The following DFFA variants were observed in gnomAD, a reference collection of about 807,000 sequenced individuals.
DFFA encodes DFF45.
In DFFA, 14 loss-of-function variants were observed where a neutral mutation model predicts 28.0. The observed-to-expected ratio is 0.50, with a 90% CI of 0.33 to 0.78. The LOEUF (loss-of-function observed/expected upper bound fraction) is 0.78. DFFA is among the 30% of genes least tolerant of loss of function. DFFA has a pLI of 0.02. For synonymous variants in DFFA, 158 were observed against 170.3 expected, an observed-to-expected ratio of 0.93 and a Z score of 0.56; for missense variants, 395 against 407.1, an observed-to-expected ratio of 0.97 and a Z score of 0.26.
rs1231010192 is a variant in DFFA, at chr1:10,472,279, C to T, written c.136+44G>A. 5.9e-6 allele frequency: 9 copies of T among 1,528,544 alleles called. No individual in the cohort carries two copies. The highest frequency in any genetic ancestry group is 1.9e-4 in the Middle Eastern group (1 of 5,344). The allele number at this position is 1,528,544 out of a possible 1,614,324, so 94.7% of individuals were successfully genotyped here. A position where few individuals can be genotyped will look rare whatever the true frequency, so the allele number is the denominator to read the frequency against. On this transcript the variant is annotated intron_variant, in intron 1 of 5. Coordinates refer to ENST00000377038, the MANE Select transcript of DFFA (RefSeq NM_004401.3). The surrounding 1 kb of genome is among the most constrained non-coding windows in gnomAD (Gnocchi z 5.0). Reference sequence around the variant, plus strand: ...CTCGCCCCCGCCGGACGTCCTCACCCGGCCCTGGCTCCCCCACACCCTCGC... The same window carrying T: ...CTCGCCCCCGCCGGACGTCCTCACCTGGCCCTGGCTCCCCCACACCCTCGC...
chr1:10,469,129 G>A, intron 2 of DFFA, 48 bp downstream of exon 2: 3 of 1,558,872 alleles, frequency 1.9e-6, no homozygotes, highest in South Asian at 1.2e-5. Flanking sequence ...TAATCATGAT[G>A]GATGCTGTAC....
intron 1 of DFFA, among the ~76,000 whole-genome samples, chr1:10,471,239 G>A (rs1394493521): frequency 2.0e-5 from 3 of 152,000 alleles, no homozygotes; most frequent in African/African-American, 7.2e-5. Context: ...ATTCCATTTA[G>A]TGATAGCAAT....
In DFFA at chr1:10,467,325, A is replaced by G. The variant is rs1355007385; in HGVS notation, c.306T>C (p.Gly102=). 1 of 1,614,088 alleles carries G rather than the reference A, an allele frequency of 6.2e-7. No individual in the cohort carries two copies. The highest frequency in any genetic ancestry group is 2.2e-5 in the East Asian group (1 of 44,886). Residue 102 remains glycine, a synonymous_variant, in exon 3 of 6, where the codon GGT becomes GGC. Coordinates refer to ENST00000377038, the MANE Select transcript of DFFA (RefSeq NM_004401.3). The part of the protein sequence containing the change: ...EKWAYNNSDG[G]TAWISQESFD... ...AGGACTCTTGGGAAATCCAAGCTGT[A>G]CCTCCATCTGACACATGGGAGAAAA...
chr1:10,463,734 G>A (rs1489454482), intron 3 of DFFA, 114 bp from the exon 4 acceptor site: 35 of 1,070,304 alleles, frequency 3.3e-5, no homozygotes, highest in Admixed American at 1.2e-4. Context: ...GTGTGATCTC[G>A]GCTCACTGCA....
rs34597195 is a variant in DFFA, at chr1:10,466,952, C to CAAAA, written c.441+234_441+237dup. 2.2e-3 allele frequency among the ~76,000 whole-genome samples: 73 copies of CAAAA among 32,732 alleles called. 3 individuals are homozygous for CAAAA. Among genetic ancestry groups the CAAAA allele is most frequent in the African/African-American group, 5.3e-3 (66 of 12,464 alleles). The allele number at this position is 32,732 out of a possible 152,430, so 21.5% of individuals were successfully genotyped here. ...TGGGCGACAGAGTAAGACTGTGTCT[C>CAAAA]AAAAAAAAAAAAAAAAAAAAAAAAA... is the stretch of plus-strand genomic sequence containing the variant. On this transcript the variant is annotated intron_variant, in intron 3 of 5. Coordinates refer to ENST00000377038, the MANE Select transcript of DFFA (RefSeq NM_004401.3).
intron 3 of DFFA, 46 bp downstream of exon 3, chr1:10,467,144 G>A (rs763280107): frequency 1.9e-6 from 3 of 1,608,506 alleles, no homozygotes; most frequent in Admixed American, 1.7e-5. Flanking sequence ...GGGGCGGGGG[G>A]CAGAGGCTGG....
intron 3 of DFFA, among the ~76,000 whole-genome samples, chr1:10,465,874 G>A (rs921304314): frequency 7.3e-5 from 11 of 151,582 alleles, no homozygotes; most frequent in Non-Finnish European, 7.4e-5. Flanking sequence ...GTAGAGATAG[G>A]GTTTTACCAC....
In DFFA at chr1:10,466,952, C is replaced by CAAAAAAAAAAA. The variant is rs34597195; in HGVS notation, c.441+227_441+237dup. The stretch of plus-strand genomic sequence containing the variant: ...TGGGCGACAGAGTAAGACTGTGTCT[C>CAAAAAAAAAAA]AAAAAAAAAAAAAAAAAAAAAAAAA... On this transcript the variant is annotated intron_variant, in intron 3 of 5. Transcript: ENST00000377038. Among the ~76,000 whole-genome samples, 89 of 32,732 alleles carry CAAAAAAAAAAA rather than the reference C, an allele frequency of 2.7e-3. 6 individuals carry two copies. The highest frequency in any genetic ancestry group is 6.7e-3 in the African/African-American group (83 of 12,462). 21.5% of individuals were successfully genotyped at this position (32,732 alleles called of 152,430 possible). A position where few individuals can be genotyped will look rare whatever the true frequency, so the allele number is the denominator to read the frequency against.
intron 3 of DFFA, among the ~76,000 whole-genome samples, chr1:10,464,369 G>A (rs1356011670): frequency 6.6e-6 from 1 of 152,154 alleles, no homozygotes; most frequent in Non-Finnish European, 1.5e-5. Context: ...TGGGATTACA[G>A]GTGTGAGCCA....
Position 10,463,109 on chromosome 1 carries a change from T to G in DFFA, c.732A>C (p.Ala244=). The G allele has an allele frequency of 6.2e-7, 1 of 1,614,104 alleles. No homozygotes were observed. Among genetic ancestry groups the G allele is most frequent in the South Asian group, 1.1e-5 (1 of 91,078 alleles). The change falls in exon 5 of 6, where the codon GCA becomes GCC. Residue 244 remains alanine, a synonymous_variant. Coordinates refer to ENST00000377038, the MANE Select transcript of DFFA (RefSeq NM_004401.3). ...GCTCTGGAGCCTGCTTCTCCCTCAG[T>G]GCAGTAAGGATGTGGCTCGCCAGCG... ...DVALASHILT[A]LREKQAPELS...
In DFFA at chr1:10,461,593, T is replaced by G; in HGVS notation, c.893A>C (p.Gln298Pro). Residue 298 changes from glutamine (Q) to proline (P), a missense_variant, in exon 6 of 6, where the codon CAG becomes CCG. Physicochemically the swap from Gln to Pro is moderately conservative, Grantham distance 76. Transcript: ENST00000377038. ...ACERELALRLQQTQSLHSLRS... is the reference protein window; with the variant it reads ...ACERELALRLPQTQSLHSLRS... ...GAGAGAATGCAAGCTCTGCGTCTGC[T>G]GCAGGCGCAGGGCGAGCTCCCGCTC... 1 of 1,614,254 alleles carries G rather than the reference T, an allele frequency of 6.2e-7. No individual in the cohort carries two copies. The highest frequency in any genetic ancestry group is 1.7e-5 in the Admixed American group (1 of 60,034).
chr1:10,460,169 T>C lies in DFFA; in HGVS notation c.*1321A>G, dbSNP rs1348796652. On this transcript the variant is annotated 3_prime_UTR_variant, in exon 6 of 6. Transcript: ENST00000377038. ...CTGAAACAGGAGAATCGCTTGAACCTGGGAGGTGGGGGTTGCAGTGAGCCG... is the reference window on the plus strand; with the variant it reads ...CTGAAACAGGAGAATCGCTTGAACCCGGGAGGTGGGGGTTGCAGTGAGCCG... 1.3e-5 allele frequency: 2 copies of C among 151,726 alleles called. No homozygotes were observed. The highest frequency in any genetic ancestry group is 2.9e-5 in the Non-Finnish European group (2 of 67,970). 9.4% of individuals were successfully genotyped at this position (151,726 alleles called of 1,614,324 possible). A position where few individuals can be genotyped will look rare whatever the true frequency, so the allele number is the denominator to read the frequency against.
In DFFA at chr1:10,472,311, T is replaced by G. The variant is rs753601785; in HGVS notation, c.136+12A>C. ...GGCTCCCCCACACCCTCGCCCGGGG[T>G]CCCGAGCCAACCCTTGCTCCTCAGG... On this transcript the variant is annotated intron_variant, in intron 1 of 5. Coordinates refer to ENST00000377038, the MANE Select transcript of DFFA (RefSeq NM_004401.3). This position sits in a 1 kb window ranked among gnomAD's most constrained non-coding sequence, Gnocchi z 5.0. The G allele has an allele frequency of 4.4e-6, 7 of 1,575,702 alleles. No individual in the cohort carries two copies. The South Asian group carries it at 6.8e-5, about 15-fold the overall frequency.
chr1:10,465,415 G>T (rs1641007145), intron 3 of DFFA, among the ~76,000 whole-genome samples: 1 of 152,088 alleles, frequency 6.6e-6, no homozygotes. Context: ...ACAGGTGCTT[G>T]CCGCCACGCC....
chr1:10,472,408 A>G lies in DFFA; in HGVS notation c.51T>C (p.Thr17=), dbSNP rs766280142. The G allele has an allele frequency of 3.1e-6, 5 of 1,612,242 alleles. No homozygotes were observed. The Admixed American group carries it at 8.4e-5, about 27-fold the overall frequency. ...AGVPESGEIR[T]LKPCLLRRNY... ...TGCGGCGCAGCAGACACGGCTTTAG[A>G]GTCCGGATCTCGCCAGATTCTGGTA... Residue 17 remains threonine, a synonymous_variant, in exon 1 of 6, where the codon ACT becomes ACC. Coordinates refer to ENST00000377038, the MANE Select transcript of DFFA (RefSeq NM_004401.3). The surrounding 1 kb of genome is among the most constrained non-coding windows in gnomAD (Gnocchi z 5.0).
At chr1:10,464,915 A>G (rs1258961250) in intron 3 of DFFA, among the ~76,000 whole-genome samples, 2 of 152,112 alleles carry the variant, frequency 1.3e-5, no homozygotes, top group Non-Finnish European at 2.9e-5. Context: ...GCCACTGCAC[A>G]CCCAGTGCAT....
In DFFA at chr1:10,467,290, T is replaced by C; in HGVS notation, c.341A>G (p.Asp114Gly). The C allele has an allele frequency of 6.2e-7, 1 of 1,614,130 alleles. No individual in the cohort carries two copies. The highest frequency in any genetic ancestry group is 8.5e-7 in the Non-Finnish European group (1 of 1,180,022). ...CAACCCTGCCCCGCTGTCTGTTTCA[T>C]CTACATCAAAGGACTCTTGGGAAAT... is the stretch of plus-strand genomic sequence containing the variant. ...AWISQESFDV[D>G]ETDSGAGLKW... Residue 114 changes from aspartate (D) to glycine (G), a missense_variant, in exon 3 of 6, where the codon GAT (aspartate) becomes GGT (glycine). Coordinates refer to ENST00000377038, the MANE Select transcript of DFFA (RefSeq NM_004401.3).
At chr1:10,464,253 T>C (rs1460719397) in intron 3 of DFFA, among the ~76,000 whole-genome samples, 2 of 151,862 alleles carry the variant, frequency 1.3e-5, no homozygotes, top group Admixed American at 6.6e-5. Flanking sequence ...CCACCACGCT[T>C]GGCTAATTTT....
rs1640869156 is a variant in DFFA, at chr1:10,456,879, T to TA, written c.*4610dup. On this transcript the variant is annotated 3_prime_UTR_variant, in exon 6 of 6. Coordinates refer to ENST00000377038, the MANE Select transcript of DFFA (RefSeq NM_004401.3). Reference sequence around the variant, plus strand: ...CCCTGCCCTCTCTCACTCCTATTTTTAGACGTATTGCTGCGCTCCTATGTG... The same window carrying TA: ...CCCTGCCCTCTCTCACTCCTATTTTTAAGACGTATTGCTGCGCTCCTATGTG... The TA allele has an allele frequency of 6.6e-6, 1 of 152,244 alleles. No individual in the cohort carries two copies. The highest frequency in any genetic ancestry group is 2.1e-4 in the South Asian group (1 of 4,832). The allele number at this position is 152,244 out of a possible 1,614,324, so 9.4% of individuals were successfully genotyped here. A position where few individuals can be genotyped will look rare whatever the true frequency, so the allele number is the denominator to read the frequency against.
Sources: gnomAD v4.1 joint callset for allele counts (sites outside exome capture counted in the v4.1 genomes callset) on GRCh38, gnomAD v4.1.1 for gene constraint, Gnocchi (gnomAD v3.1) non-coding constraint, MANE v1.5 for transcripts, NCBI Gene and HGNC (gene_info 2026-07-23, HGNC 2026-07-21) for gene names.